LARGE1: variants seen among roughly 807,000 people sequenced by gnomAD.
LARGE1 encodes LARGE xylosyl- and glucuronyltransferase 1, also known as xylosyl- and glucuronyltransferase LARGE1.
In LARGE1, 43 loss-of-function variants were observed where a neutral mutation model predicts 87.6. That is an observed-to-expected ratio of 0.49 (90% CI 0.38 to 0.63). The LOEUF is 0.63. Among genes scored for constraint, LARGE1 ranks in the 30% least tolerant of loss-of-function variants. LARGE1 has a pLI of 0.00. For synonymous variants in LARGE1, 434 were observed against 394.6 expected (o/e 1.10, Z -1.18); for missense variants, 802 against 1,000.2 (o/e 0.80, Z 2.67).
intron 6 of LARGE1, among the ~76,000 whole-genome samples, chr22:33,520,473 G>C (rs2071526918): frequency 6.6e-6 from 1 of 152,122 alleles, no homozygotes; most frequent in Non-Finnish European, 1.5e-5. Flanking sequence ...TCTGCTCTCT[G>C]ACAAGCACGG....
chr22:33,398,415 A>C (rs994304012), intron 7 of LARGE1, among the ~76,000 whole-genome samples: 4 of 152,122 alleles, frequency 2.6e-5, no homozygotes, highest in Non-Finnish European at 1.5e-5. Context: ...TGACTCCTCC[A>C]ACTCTCTGCT....
Position 33,728,576 on chromosome 22 carries a change from A to AAAAAAAAC in LARGE1, c.106+32794_106+32795insGTTTTTTT, listed in dbSNP as rs56192894. 1.0e-3 allele frequency among the ~76,000 whole-genome samples: 105 copies of AAAAAAAAC among 103,750 alleles called. 13 individuals are homozygous for AAAAAAAAC. Among genetic ancestry groups the AAAAAAAAC allele is most frequent in the Admixed American group, 1.8e-3 (15 of 8,362 alleles). The allele number at this position is 103,750 out of a possible 152,430, so 68.1% of individuals were successfully genotyped here. A position where few individuals can be genotyped will look rare whatever the true frequency, so the allele number is the denominator to read the frequency against. On this transcript the variant is annotated intron_variant, in intron 2 of 14. Coordinates refer to ENST00000397394, the MANE Select transcript of LARGE1 (RefSeq NM_133642.5). ...CAAAAAAAAAAAAAAAAAAAAAAAA[A>AAAAAAAAC]AAACCAACAACAGAGACACATTTCC...
intron 6 of LARGE1, among the ~76,000 whole-genome samples, chr22:33,449,206 T>C (rs1185990665): frequency 1.3e-5 from 2 of 152,170 alleles, no homozygotes; most frequent in Non-Finnish European, 2.9e-5. Flanking sequence ...ATCCAAGCTA[T>C]AGATTTGCAT....
At chr22:33,919,480 T>G (rs1248973960) in intron 1 of LARGE1, among the ~76,000 whole-genome samples, 7 of 152,194 alleles carry the variant, frequency 4.6e-5, no homozygotes, top group Admixed American at 3.9e-4. Flanking sequence ...CCCCTACAGA[T>G]AGCAATGCCA....
At chr22:33,146,836 T>C in the LARGE1 span, among the ~76,000 whole-genome samples, 1 of 152,124 alleles carries the variant, frequency 6.6e-6, no homozygotes, top group East Asian at 1.9e-4. Context: ...GGACCCACCA[T>C]CCAAGTCAAT....
intron 2 of LARGE1, chr22:33,743,197 C>G (rs929169820): frequency 6.6e-6 from 1 of 152,104 alleles, no homozygotes; most frequent in Admixed American, 6.5e-5. Flanking sequence ...GCCTACACAA[C>G]CGTGAGTCAA....
intron 1 of LARGE1, among the ~76,000 whole-genome samples, chr22:33,768,995 C>A (rs189674138): frequency 1.3e-5 from 2 of 152,212 alleles, no homozygotes; most frequent in African/African-American, 4.8e-5. Context: ...GAGCTGGCCA[C>A]CCCTTCTCCT....
intron 11 of LARGE1, among the ~76,000 whole-genome samples, chr22:33,260,994 C>T (rs1204989040): frequency 2.0e-5 from 3 of 152,124 alleles, no homozygotes; most frequent in Non-Finnish European, 2.9e-5. Flanking sequence ...AATGAAATGC[C>T]AATGAATTGC....
chr22:33,628,318 CTT>C lies in LARGE1; in HGVS notation c.409-1994_409-1993del, dbSNP rs35066040. Reference sequence around the variant, plus strand: ...TGAATTCTGAAACAGACTGTTTTTGCTTTTTTTTTTTTTTTTGAGCCAGAATC... The same window carrying C: ...TGAATTCTGAAACAGACTGTTTTTGCTTTTTTTTTTTTTTGAGCCAGAATC... On this transcript the variant is annotated intron_variant, in intron 3 of 14. Coordinates refer to ENST00000397394, the MANE Select transcript of LARGE1 (RefSeq NM_133642.5). Among the ~76,000 whole-genome samples the C allele has an allele frequency of 2.1e-3, 273 of 132,924 alleles. 1 individual carries two copies. In the Middle Eastern group the frequency reaches 0.023, roughly 11 times the overall value. The allele number at this position is 132,924 out of a possible 152,430, so 87.2% of individuals were successfully genotyped here.
intron 6 of LARGE1, among the ~76,000 whole-genome samples, chr22:33,458,309 T>C (rs933660779): frequency 6.6e-6 from 1 of 152,136 alleles, no homozygotes; most frequent in Non-Finnish European, 1.5e-5. Context: ...TTTCACTGTG[T>C]CAGCCAGGAT....
At chr22:33,515,397 T>C (rs1226402526) in intron 6 of LARGE1, among the ~76,000 whole-genome samples, 2 of 152,162 alleles carry the variant, frequency 1.3e-5, no homozygotes, top group Non-Finnish European at 2.9e-5. Flanking sequence ...ATCACATCCA[T>C]GAAAAGGTAA....
chr22:33,195,816 G>A (rs12158792), intron 11 of LARGE1, among the ~76,000 whole-genome samples: 4,671 of 147,304 alleles, frequency 0.032, 256 homozygotes, highest in African/African-American at 0.11. Context: ...GTGCAGTGGC[G>A]CGATCTCAGC....
Position 33,186,878 on chromosome 22 carries a change from G to C in LARGE1, c.1731-20046C>G, listed in dbSNP as rs528038057. 2.6e-5 allele frequency among the ~76,000 whole-genome samples: 4 copies of C among 152,192 alleles called. No individual in the cohort carries two copies. In the South Asian group the frequency reaches 8.3e-4, roughly 32 times the overall value. On this transcript the variant is annotated intron_variant, in intron 11 of 11. Transcript: ENST00000608642. ...TTTGAAAATTAATTCATAATATAGA[G>C]ATGAAATATTTAGATATATAAATTT...
At chr22:33,916,973 G>A (rs893995701) in intron 1 of LARGE1, among the ~76,000 whole-genome samples, 1 of 152,148 alleles carries the variant, frequency 6.6e-6, no homozygotes, top group Admixed American at 6.5e-5. Context: ...GCTGTCTGCT[G>A]ACCATTTTTC....
intron 11 of LARGE1, among the ~76,000 whole-genome samples, chr22:33,193,389 T>C (rs578202858): frequency 1.3e-5 from 2 of 151,810 alleles, no homozygotes; most frequent in Non-Finnish European, 2.9e-5. Context: ...AATGATAAAA[T>C]AGGAACATCA....
chr22:33,802,292 C>A (rs952344993), intron 1 of LARGE1, among the ~76,000 whole-genome samples: 3 of 152,220 alleles, frequency 2.0e-5, no homozygotes, highest in African/African-American at 7.2e-5. Context: ...GGAAGCACTA[C>A]AGAGATGGCT....
At chr22:33,334,393 G>C (rs915719828) in intron 10 of LARGE1, among the ~76,000 whole-genome samples, 1 of 135,740 alleles carries the variant, frequency 7.4e-6, no homozygotes, top group Non-Finnish European at 1.5e-5. Flanking sequence ...CCTGGCGACA[G>C]AGCAAGACTC....
At chr22:33,350,527 G>A (rs1940265134) in intron 9 of LARGE1, among the ~76,000 whole-genome samples, 2 of 152,178 alleles carry the variant, frequency 1.3e-5, no homozygotes, top group African/African-American at 4.8e-5. Flanking sequence ...GTTGGCATGG[G>A]ATCCTTAGCT....
chr22:33,889,113 T>C (rs1477982336), intron 1 of LARGE1: 3 of 152,212 alleles, frequency 2.0e-5, no homozygotes, highest in East Asian at 3.8e-4. Flanking sequence ...AAATAACAGA[T>C]GCCACCTGCC....
Sources: allele counts gnomAD v4.1 joint callset (sites outside exome capture counted in the v4.1 genomes callset), GRCh38; gene constraint gnomAD v4.1.1; transcripts MANE v1.5; gene names NCBI Gene and HGNC (gene_info 2026-07-23, HGNC 2026-07-21).